The following PRDM16 variants were observed in gnomAD, a reference collection of about 807,000 sequenced individuals.
PRDM16 encodes histone-lysine N-methyltransferase PRDM16.
Under a neutral mutation model 110.6 loss-of-function variants are expected in PRDM16, and 23 were observed. The ratio of observed to expected loss-of-function variants is 0.21; its 90% CI spans 0.15 to 0.29. PRDM16 has a LOEUF of 0.29. Ranked by LOEUF, PRDM16 falls within the 10% of genes least tolerant of loss-of-function variation. The pLI, the probability that PRDM16 is intolerant of heterozygous loss-of-function variation, is 1.00. For missense variants in PRDM16, 1,615 were observed against 1,794.3 expected, an observed-to-expected ratio of 0.90 and a Z score of 1.81; for synonymous variants, 799 against 781.8, an observed-to-expected ratio of 1.02 and a Z score of -0.37.
At chr1:3,160,268 G>A (rs1643887496) in intron 1 of PRDM16, among the ~76,000 whole-genome samples, 2 of 152,232 alleles carry the variant, frequency 1.3e-5, no homozygotes, top group South Asian at 2.1e-4. Context: ...GTTGGAGGGA[G>A]GATGTGCCGT....
chr1:3,391,083 G>A (rs1388674818), intron 4 of PRDM16, among the ~76,000 whole-genome samples: 5 of 152,082 alleles, frequency 3.3e-5, no homozygotes, highest in African/African-American at 4.8e-5. Flanking sequence ...TGATCTGCCC[G>A]CCTCGGCCTC....
intron 2 of PRDM16, 196 bp downstream of exon 2, chr1:3,186,670 G>A: frequency 3.8e-6 from 2 of 524,952 alleles, no homozygotes; most frequent in Non-Finnish European, 6.7e-6. Context: ...GTCCTCGTGG[G>A]TGCCTGTCAG....
chr1:3,411,674 C>T lies in PRDM16; in HGVS notation c.1477C>T (p.Pro493Ser). Reference sequence around the variant, plus strand: ...CTTCAACGAGTACTTTCCCTCCAGGCCGCACCCGGGGAGCCTGCCCTTCTC... The same window carrying T: ...CTTCAACGAGTACTTTCCCTCCAGGTCGCACCCGGGGAGCCTGCCCTTCTC... Reference protein sequence around the residue: ...LGFNEYFPSRPHPGSLPFSTA... With the variant: ...LGFNEYFPSRSHPGSLPFSTA... Residue 493 changes from proline (P) to serine (S), a missense_variant, in exon 9 of 17, where the codon CCG (proline) becomes TCG (serine). By Grantham distance (74) the Pro-to-Ser change is moderately conservative. This residue lies in a region of PRDM16 where 772 missense variants were observed against 748.3 expected (regional missense o/e 1.03). Transcript: ENST00000270722. 2 of 1,611,902 alleles carry T rather than the reference C, an allele frequency of 1.2e-6. No individual in the cohort carries two copies. Among genetic ancestry groups the T allele is most frequent in the Non-Finnish European group, 1.7e-6 (2 of 1,178,584 alleles).
intron 1 of PRDM16, among the ~76,000 whole-genome samples, chr1:3,095,317 T>C (rs1460494729): frequency 6.7e-6 from 1 of 148,670 alleles, no homozygotes; most frequent in East Asian, 1.9e-4. Flanking sequence ...GCGGAGAAAG[T>C]GGAGTAGCAA....
intron 1 of PRDM16, among the ~76,000 whole-genome samples, chr1:3,184,194 T>C (rs1377162668): frequency 6.6e-6 from 1 of 152,262 alleles, no homozygotes; most frequent in African/African-American, 2.4e-5. Flanking sequence ...ATTACTTCTC[T>C]GAATGCTGAT....
rs537025487 is a variant in PRDM16 at position 3,079,580 on chromosome 1, G to A, written c.37+10284G>A. Among the ~76,000 whole-genome samples, 20 of 152,380 alleles carry A rather than the reference G, an allele frequency of 1.3e-4. No individual in the cohort carries two copies. The East Asian group carries it at 3.1e-3, about 24-fold the overall frequency. On this transcript the variant is annotated intron_variant, in intron 1 of 16. Coordinates refer to ENST00000270722, the MANE Select transcript of PRDM16 (RefSeq NM_022114.4). ...CGTGCCACAGGAGCTGGCTTGCTGG[G>A]AGATTTCTGGCCTTCCTTGCAAATC... is the stretch of plus-strand genomic sequence containing the variant.
intron 2 of PRDM16, among the ~76,000 whole-genome samples, chr1:3,242,889 G>C (rs1246410449): frequency 6.6e-6 from 1 of 152,176 alleles, no homozygotes; most frequent in African/African-American, 2.4e-5. Flanking sequence ...TGCGGTTTCC[G>C]TATACTCGAC....
intron 3 of PRDM16, among the ~76,000 whole-genome samples, chr1:3,363,758 C>T (rs1642760005): frequency 6.6e-6 from 1 of 152,096 alleles, no homozygotes; most frequent in Non-Finnish European, 1.5e-5. Flanking sequence ...GGAGGAAAAA[C>T]TCAGGAAGCT....
At chr1:3,279,179 T>C (rs938476359) in intron 3 of PRDM16, among the ~76,000 whole-genome samples, 2 of 152,088 alleles carry the variant, frequency 1.3e-5, no homozygotes, top group Non-Finnish European at 2.9e-5. Context: ...GAAGCGTCGC[T>C]CACCATGCCT....
At chr1:3,354,823 C>T (rs999483672) in intron 3 of PRDM16, among the ~76,000 whole-genome samples, 22 of 152,114 alleles carry the variant, frequency 1.4e-4, no homozygotes, top group African/African-American at 5.3e-4. Flanking sequence ...GGGGACATTT[C>T]GATGGATGGC....
intron 1 of PRDM16, among the ~76,000 whole-genome samples, chr1:3,184,564 G>A (rs562565961): frequency 1.5e-4 from 23 of 152,134 alleles, no homozygotes; most frequent in Non-Finnish European, 2.6e-4. Context: ...TAACACTCGC[G>A]CCTGCCTTTT....
chr1:3,096,414 C>A lies in PRDM16; in HGVS notation c.37+27118C>A, dbSNP rs146581858. ...ACGCTCTCCCCTGGCCAAGTCGGAG[C>A]CATAGGGGAAGGAATGAGGTCATGG... On this transcript the variant is annotated intron_variant, in intron 1 of 16. Coordinates refer to ENST00000270722, the MANE Select transcript of PRDM16 (RefSeq NM_022114.4). Among the ~76,000 whole-genome samples, 13 of 152,202 alleles carry A rather than the reference C, an allele frequency of 8.5e-5. No homozygotes were observed. The East Asian group carries it at 2.5e-3, about 30-fold the overall frequency.
At position 3,434,051 on chromosome 1, in the gene PRDM16, T is replaced by C. The variant is rs991379847; in HGVS notation, c.*240T>C. The C allele has an allele frequency of 2.1e-6, 1 of 471,890 alleles. No individual in the cohort carries two copies. The highest frequency in any genetic ancestry group is 2.0e-5 in the African/African-American group (1 of 50,740). The allele number at this position is 471,890 out of a possible 1,614,324, so 29.2% of individuals were successfully genotyped here. A position where few individuals can be genotyped will look rare whatever the true frequency, so the allele number is the denominator to read the frequency against. On this transcript the variant is annotated 3_prime_UTR_variant, in exon 17 of 17. Transcript: ENST00000270722. ...TGAGAACACTGTTCAGTGACGGCCA[T>C]GCAGGTGGCCGTCCAAAGACAGCCA...
At chr1:3,075,011 C>G (rs917891993) in intron 1 of PRDM16, among the ~76,000 whole-genome samples, 46 of 152,256 alleles carry the variant, frequency 3.0e-4, no homozygotes, top group African/African-American at 9.9e-4. Context: ...GGGCCCAGAG[C>G]AGGGGAGGAG....
intron 1 of PRDM16, among the ~76,000 whole-genome samples, chr1:3,136,256 C>A (rs1019396186): frequency 6.6e-6 from 1 of 152,202 alleles, no homozygotes; most frequent in African/African-American, 2.4e-5. Flanking sequence ...GCCTGCACTT[C>A]CCAGCTGGCC....
At chr1:3,203,544 C>A (rs777277848) in intron 2 of PRDM16, among the ~76,000 whole-genome samples, 43 of 151,490 alleles carry the variant, frequency 2.8e-4, no homozygotes, top group Middle Eastern at 3.5e-3. Flanking sequence ...CTCACTCCCG[C>A]AGAAGCCTCT....
intron 2 of PRDM16, chr1:3,186,698 A>C: frequency 2.2e-6 from 1 of 456,954 alleles, no homozygotes; most frequent in Non-Finnish European, 3.8e-6. Context: ...GGCCACGCCC[A>C]CTCTCTCCCG....
At chr1:3,332,658 ACAC>A (rs1160716586) in intron 3 of PRDM16, among the ~76,000 whole-genome samples, 1 of 151,964 alleles carries the variant, frequency 6.6e-6, no homozygotes, top group Middle Eastern at 3.2e-3. Context: ...TGTTGTGCAA[ACAC>A]CACTTCTGCC....
rs1643585068 is a variant in PRDM16, at chr1:3,143,186, C to T, written c.38-42939C>T. Among the ~76,000 whole-genome samples, 1 of 152,158 alleles carries T rather than the reference C, an allele frequency of 6.6e-6. No homozygotes were observed. Among genetic ancestry groups the T allele is most frequent in the Non-Finnish European group, 1.5e-5 (1 of 68,032 alleles). On this transcript the variant is annotated intron_variant, in intron 1 of 16. Coordinates refer to ENST00000270722, the MANE Select transcript of PRDM16 (RefSeq NM_022114.4). This position sits in a 1 kb window ranked among gnomAD's most constrained non-coding sequence, Gnocchi z 4.5. Reference sequence around the variant, plus strand: ...TGGGCCGGGGGGAGTCGCTGGTTTGCAGCCCCTCGGGGGCCGAGTGTTCCG... The same window carrying T: ...TGGGCCGGGGGGAGTCGCTGGTTTGTAGCCCCTCGGGGGCCGAGTGTTCCG...
Sources: allele counts gnomAD v4.1 joint callset (sites outside exome capture counted in the v4.1 genomes callset), GRCh38; gene constraint gnomAD v4.1.1; regional missense constraint gnomAD v4.1.1; non-coding constraint Gnocchi (gnomAD v3.1); transcripts MANE v1.5; gene names NCBI Gene and HGNC (gene_info 2026-07-23, HGNC 2026-07-21).